MAF1: variants seen among roughly 807,000 people sequenced by gnomAD.
MAF1 encodes repressor of RNA polymerase III transcription MAF1 homolog.
Under a neutral mutation model 31.9 loss-of-function variants are expected in MAF1, and 7 were observed. That is an observed-to-expected ratio of 0.22 (90% CI 0.12 to 0.41). The LOEUF (loss-of-function observed/expected upper bound fraction) is 0.41, where lower values mean the gene tolerates loss of function less well. Among genes scored for constraint, MAF1 ranks in the 10% least tolerant of loss-of-function variants. The probability of loss-of-function intolerance (pLI) is 1.00; values close to 1 mark genes in which losing one functional copy is unlikely to be tolerated. For synonymous variants in MAF1, 157 were observed against 120.0 expected (o/e 1.31, Z -2.02); for missense variants, 221 against 323.1 (o/e 0.68, Z 2.42).
rs1313404484 is a variant in MAF1 at position 144,106,181 on chromosome 8, T to C, written c.318T>C (p.Pro106=). The stretch of plus-strand genomic sequence containing the variant: ...CCACGCTCAATGAGTCCTTCAGGCC[T>C]GACTATGACTTCAGCACAGCCCGCA... ...LIATLNESFR[P]DYDFSTARSH... is the part of the protein sequence containing the mutation. The change falls in exon 4 of 8, where the codon CCT becomes CCC. Residue 106 remains proline (P), a synonymous_variant. Transcript: ENST00000322428. 2 of 1,613,842 alleles carry C rather than the reference T, an allele frequency of 1.2e-6. No homozygotes were observed. Among genetic ancestry groups the C allele is most frequent in the East Asian group, 2.2e-5 (1 of 44,886 alleles).
intron 1 of MAF1, chr8:144,105,294 G>GTA: frequency 1.2e-5 from 1 of 82,012 alleles, no homozygotes; most frequent in Non-Finnish European, 2.5e-5. Context: ...CATGGTGGCT[G>GTA]GAGCTCTTTT....
chr8:144,105,027 C>G (rs1313991456), intron 1 of MAF1, 169 bp downstream of exon 1: 7 of 152,390 alleles, frequency 4.6e-5, no homozygotes, highest in Admixed American at 4.6e-4. Context: ...CCCAGCGGGG[C>G]CGAGGGACCG....
intron 1 of MAF1, 33 bp from the exon 2 acceptor site, chr8:144,105,607 T>C: frequency 7.3e-7 from 1 of 1,364,790 alleles, no homozygotes; most frequent in Non-Finnish European, 1.0e-6. Flanking sequence ...AGGGGCCAGA[T>C]AGATACCCAT....
At position 144,107,208 on chromosome 8, in the gene MAF1, C is replaced by T; in HGVS notation, c.*99C>T. 4 of 1,439,216 alleles carry T rather than the reference C, an allele frequency of 2.8e-6. No individual in the cohort carries two copies. Among genetic ancestry groups the T allele is most frequent in the Non-Finnish European group, 3.8e-6 (4 of 1,046,278 alleles). The allele number at this position is 1,439,216 out of a possible 1,614,324, so 89.2% of individuals were successfully genotyped here. On this transcript the variant is annotated 3_prime_UTR_variant, in exon 8 of 8. Transcript: ENST00000322428. Reference sequence around the variant, plus strand: ...GGGCCTCCCCAGCTGCTGGCCAGACCCTGGCGCTGCCACAGTCCTGGCACT... The same window carrying T: ...GGGCCTCCCCAGCTGCTGGCCAGACTCTGGCGCTGCCACAGTCCTGGCACT...
Position 144,106,003 on chromosome 8 carries a change from C to T in MAF1, c.212+6C>T, listed in dbSNP as rs1836405467. Reference sequence around the variant, plus strand: ...TCAGGACTGAGCCCCAGCAGGTGAGCCATGGTGGGGCCTACCTGGGGCTGG... The same window carrying T: ...TCAGGACTGAGCCCCAGCAGGTGAGTCATGGTGGGGCCTACCTGGGGCTGG... On this transcript the variant is annotated splice_donor_region_variant and intron_variant, in intron 3 of 7. Coordinates refer to ENST00000322428, the MANE Select transcript of MAF1 (RefSeq NM_032272.5). 1 of 1,613,376 alleles carries T rather than the reference C, an allele frequency of 6.2e-7. No individual in the cohort carries two copies. The highest frequency in any genetic ancestry group is 8.5e-7 in the Non-Finnish European group (1 of 1,179,996).
In MAF1 at chr8:144,106,103, G is replaced by A. The variant is rs776345138; in HGVS notation, c.240G>A (p.Glu80=). 1.1e-5 allele frequency: 17 copies of A among 1,613,714 alleles called. No homozygotes were observed. Among genetic ancestry groups the A allele is most frequent in the East Asian group, 4.5e-5 (2 of 44,886 alleles). ...TCAGCAAAAGCCAAGGCGGTGAGGAGGAGGGCCCCCTCAGTGACAAGTGCA... is the reference window on the plus strand; with the variant it reads ...TCAGCAAAAGCCAAGGCGGTGAGGAAGAGGGCCCCCTCAGTGACAAGTGCA... ...SRLSKSQGGE[E]EGPLSDKCSR... The change falls in exon 4 of 8, where the codon GAG becomes GAA. Residue 80 remains glutamate, a synonymous_variant. Coordinates refer to ENST00000322428, the MANE Select transcript of MAF1 (RefSeq NM_032272.5).
chr8:144,106,042 G>A (rs1368431709), intron 3 of MAF1, 34 bp from the exon 4 acceptor site: 1 of 1,613,580 alleles, frequency 6.2e-7, no homozygotes, highest in Non-Finnish European at 8.5e-7. Context: ...TTGAGGGGAG[G>A]TGATGGGCCC....
At chr8:144,105,047 G>A (rs1836384070) in intron 1 of MAF1, 189 bp downstream of exon 1, 1 of 152,320 alleles carries the variant, frequency 6.6e-6, no homozygotes, top group Non-Finnish European at 1.5e-5. Context: ...GCCCTCCTAG[G>A]CGTCTGGAGA....
At position 144,107,180 on chromosome 8, in the gene MAF1, C is replaced by A; in HGVS notation, c.*71C>A. 2.0e-6 allele frequency: 3 copies of A among 1,536,944 alleles called. No homozygotes were observed. The highest frequency in any genetic ancestry group is 2.6e-6 in the Non-Finnish European group (3 of 1,134,642). On this transcript the variant is annotated 3_prime_UTR_variant, in exon 8 of 8. Coordinates refer to ENST00000322428, the MANE Select transcript of MAF1 (RefSeq NM_032272.5). ...CTGGACCTGTCCACCTGAGAGGCCC[C>A]TGGGGCCTCCCCAGCTGCTGGCCAG...
chr8:144,105,668 C>G lies in MAF1; in HGVS notation c.-16C>G. ...ATACTAGCCCCTCTGGAGCACGGAG[C>G]TCCTTCCCCAAAGACATGAAGCTAT... On this transcript the variant is annotated 5_prime_UTR_variant, in exon 2 of 8. Coordinates refer to ENST00000322428, the MANE Select transcript of MAF1 (RefSeq NM_032272.5). 1 of 1,611,820 alleles carries G rather than the reference C, an allele frequency of 6.2e-7. No homozygotes were observed. Among genetic ancestry groups the G allele is most frequent in the South Asian group, 1.1e-5 (1 of 91,054 alleles).
rs958765764 is a variant in MAF1 at position 144,105,779 on chromosome 8, G to C, written c.83+13G>C. 4.4e-6 allele frequency: 7 copies of C among 1,599,738 alleles called. No individual in the cohort carries two copies. The highest frequency in any genetic ancestry group is 2.7e-5 in the African/African-American group (2 of 74,740). On this transcript the variant is annotated intron_variant, in intron 2 of 7. Transcript: ENST00000322428. ...ACATCATTGGCAGGTGAGGCAGGCT[G>C]GGGGGGCTGGCATCTCGGAGGTCAC... is the stretch of plus-strand genomic sequence containing the variant.
rs754598020 is a variant in MAF1 at position 144,106,013 on chromosome 8, G to A, written c.212+16G>A. On this transcript the variant is annotated intron_variant, in intron 3 of 7. Coordinates refer to ENST00000322428, the MANE Select transcript of MAF1 (RefSeq NM_032272.5). ...GCCCCAGCAGGTGAGCCATGGTGGG[G>A]CCTACCTGGGGCTGGGGGTTGAGGG... is the stretch of plus-strand genomic sequence containing the variant. The A allele has an allele frequency of 6.2e-7, 1 of 1,613,456 alleles. No homozygotes were observed. Among genetic ancestry groups the A allele is most frequent in the Non-Finnish European group, 8.5e-7 (1 of 1,179,998 alleles).
In MAF1 at chr8:144,104,476, G is replaced by GCCGGGC. The variant is rs1836367328; in HGVS notation, c.-422_-417dup. ...GGAGCGGGCCATTCAGAGGCGCGGG[G>GCCGGGC]CCGGGCCCGGCGGACGCTTGTTGTT... On this transcript the variant is annotated 5_prime_UTR_variant, in exon 1 of 8. Coordinates refer to ENST00000322428, the MANE Select transcript of MAF1 (RefSeq NM_032272.5). 6.6e-6 allele frequency: 1 copy of GCCGGGC among 152,142 alleles called. No individual in the cohort carries two copies. Among genetic ancestry groups the GCCGGGC allele is most frequent in the African/African-American group, 2.4e-5 (1 of 41,428 alleles). The allele number at this position is 152,142 out of a possible 1,614,324, so 9.4% of individuals were successfully genotyped here.
Position 144,106,012 on chromosome 8 carries a change from G to A in MAF1, c.212+15G>A. The A allele has an allele frequency of 1.2e-6, 2 of 1,613,448 alleles. No homozygotes were observed. Among genetic ancestry groups the A allele is most frequent in the Non-Finnish European group, 1.7e-6 (2 of 1,180,010 alleles). ...AGCCCCAGCAGGTGAGCCATGGTGG[G>A]GCCTACCTGGGGCTGGGGGTTGAGG... is the stretch of plus-strand genomic sequence containing the variant. On this transcript the variant is annotated intron_variant, in intron 3 of 7. Transcript: ENST00000322428.
At position 144,107,070 on chromosome 8, in the gene MAF1, G is replaced by T. The variant is rs563026191; in HGVS notation, c.750-18G>T. ...GTGGTGGCTCCTGAAGGCCCACTGT[G>T]TGCCAACCTCCGCCCAGGGTCCCAG... On this transcript the variant is annotated intron_variant, in intron 7 of 7. Transcript: ENST00000322428. 4.3e-5 allele frequency: 67 copies of T among 1,574,024 alleles called. 1 individual carries two copies. The South Asian group carries it at 7.4e-4, about 17-fold the overall frequency.
At position 144,107,458 on chromosome 8, in the gene MAF1, C is replaced by A; in HGVS notation, c.*349C>A. The A allele has an allele frequency of 1.7e-6, 1 of 581,260 alleles. No individual in the cohort carries two copies. The allele number at this position is 581,260 out of a possible 1,614,324, so 36.0% of individuals were successfully genotyped here. A position where few individuals can be genotyped will look rare whatever the true frequency, so the allele number is the denominator to read the frequency against. On this transcript the variant is annotated 3_prime_UTR_variant, in exon 8 of 8. Coordinates refer to ENST00000322428, the MANE Select transcript of MAF1 (RefSeq NM_032272.5). ...CACTCCAGCCCAAAGGGTCTGTGGC[C>A]GGAGGCCCCACGAGCAGGCCCCAGC... is the stretch of plus-strand genomic sequence containing the variant.
chr8:144,106,669 C>T lies in MAF1; in HGVS notation c.615C>T (p.Ser205=), dbSNP rs1836419907. 13 of 1,612,888 alleles carry T rather than the reference C, an allele frequency of 8.1e-6. No individual in the cohort carries two copies. The highest frequency in any genetic ancestry group is 9.3e-6 in the Non-Finnish European group (11 of 1,179,314). ...GAATCGTCTTCTTTAGCTGCCGTTCCATCAGGTGGGCACCCCCCGCCTCCT... is the reference window on the plus strand; with the variant it reads ...GAATCGTCTTCTTTAGCTGCCGTTCTATCAGGTGGGCACCCCCCGCCTCCT... ...LKRIVFFSCR[S]ISGSTYTPSE... is the part of the protein sequence containing the mutation. The change falls in exon 6 of 8, where the codon TCC becomes TCT. Residue 205 remains serine, a synonymous_variant. Coordinates refer to ENST00000322428, the MANE Select transcript of MAF1 (RefSeq NM_032272.5).
chr8:144,107,020 T>TG, intron 7 of MAF1, 57 bp downstream of exon 7: 1 of 1,556,976 alleles, frequency 6.4e-7, no homozygotes, highest in Non-Finnish European at 8.7e-7. Flanking sequence ...TACAACAGGG[T>TG]GGGGGCCTCC....
At chr8:144,105,385 G>A (rs1228793098) in intron 1 of MAF1, 3 of 421,616 alleles carry the variant, frequency 7.1e-6, no homozygotes, top group Non-Finnish European at 1.3e-5. Context: ...GGTCCCCGGT[G>A]GTCTAGTCTA....
Sources: allele counts gnomAD v4.1 joint callset, GRCh38; gene constraint gnomAD v4.1.1; transcripts MANE v1.5; gene names NCBI Gene and HGNC (gene_info 2026-07-23, HGNC 2026-07-21).